Variants in RAD51B observed in about 807,000 individuals in gnomAD.
RAD51B encodes DNA repair protein RAD51 homolog 2.
In RAD51B, 38 loss-of-function variants were observed where a neutral mutation model predicts 42.2. That is an observed-to-expected ratio of 0.90 (90% CI 0.70 to 1.18). RAD51B has a LOEUF of 1.18. Among genes scored for constraint, RAD51B ranks in the 50% most tolerant of loss-of-function variants. The pLI is 0.00. For synonymous variants in RAD51B, 154 were observed against 145.2 expected, an observed-to-expected ratio of 1.06 and a Z score of -0.43; for missense variants, 373 against 400.7, an observed-to-expected ratio of 0.93 and a Z score of 0.59.
chr14:68,358,209 G>T (rs754671587), intron 8 of RAD51B, among the ~76,000 whole-genome samples: 7 of 152,208 alleles, frequency 4.6e-5, no homozygotes, highest in Non-Finnish European at 7.3e-5. Context: ...GTCTGAAATA[G>T]TGCGAGAATG....
intron 8 of RAD51B, among the ~76,000 whole-genome samples, chr14:68,336,489 A>G (rs376409457): frequency 6.6e-6 from 1 of 152,246 alleles, no homozygotes; most frequent in South Asian, 2.1e-4. Context: ...TCTAGTTGAC[A>G]AAAGAAATAA....
intron 7 of RAD51B, among the ~76,000 whole-genome samples, chr14:68,176,311 A>T (rs550817226): frequency 6.6e-6 from 1 of 152,344 alleles, no homozygotes; most frequent in African/African-American, 2.4e-5. Flanking sequence ...GATTCACAAT[A>T]GTAAATAGTA....
rs1341373743 is a variant in RAD51B at position 68,677,470 on chromosome 14, AC to A, written c.*11+26617del. ...CCTCTCCTTTAGATGCCCACTGAAA[AC>A]CCATCTCCTGTAATGAAACCACAAC... On this transcript the variant is annotated intron_variant, in intron 11 of 11. Transcript: ENST00000488612. Among the ~76,000 whole-genome samples, 5 of 151,974 alleles carry A rather than the reference AC, an allele frequency of 3.3e-5. No homozygotes were observed. In the East Asian group the frequency reaches 9.6e-4, roughly 29 times the overall value.
intron 7 of RAD51B, among the ~76,000 whole-genome samples, chr14:68,162,212 A>G (rs943983763): frequency 5.3e-5 from 8 of 152,254 alleles, no homozygotes; most frequent in African/African-American, 1.7e-4. Flanking sequence ...TAATTTCCAT[A>G]GAAGCTAACT....
intron 7 of RAD51B, chr14:67,908,916 ATAATAT>A (rs1369733932): frequency 6.6e-6 from 1 of 152,176 alleles, no homozygotes; most frequent in Non-Finnish European, 1.5e-5. Context: ...TATTTTCATA[ATAATAT>A]TAATAATTCT....
chr14:68,071,519 G>A (rs1015990383), intron 7 of RAD51B, among the ~76,000 whole-genome samples: 2 of 152,062 alleles, frequency 1.3e-5, no homozygotes, highest in African/African-American at 2.4e-5. Flanking sequence ...AGATAATCAC[G>A]TGGCTTTTGC....
intron 10 of RAD51B, among the ~76,000 whole-genome samples, chr14:68,620,949 T>C (rs779839550): frequency 7.0e-4 from 106 of 152,304 alleles, no homozygotes; most frequent in Non-Finnish European, 1.1e-3. Flanking sequence ...AAACACTCTA[T>C]TTTTCCACTT....
chr14:68,158,870 C>G (rs922153417), intron 7 of RAD51B, among the ~76,000 whole-genome samples: 2 of 152,112 alleles, frequency 1.3e-5, no homozygotes, highest in African/African-American at 4.8e-5. Flanking sequence ...AAGATAAATT[C>G]TCCCAAAGCA....
At chr14:68,667,267 ACAGAATTTCTGAAACTCAGG>A (rs1157320432) in intron 11 of RAD51B, among the ~76,000 whole-genome samples, 2 of 152,244 alleles carry the variant, frequency 1.3e-5, no homozygotes, top group African/African-American at 2.4e-5. Context: ...GGAAACTCAG[ACAGAATTTCTGAAACTCAGG>A]CAGAATTTCT....
intron 10 of RAD51B, among the ~76,000 whole-genome samples, chr14:68,557,127 A>G (rs1036102920): frequency 6.6e-6 from 1 of 152,156 alleles, no homozygotes; most frequent in African/African-American, 2.4e-5. Flanking sequence ...ACTCCCTTGT[A>G]TGGGGTCATT....
chr14:68,127,125 T>C (rs1256718577), intron 7 of RAD51B, among the ~76,000 whole-genome samples: 1 of 152,208 alleles, frequency 6.6e-6, no homozygotes, highest in Admixed American at 6.5e-5. Context: ...TATATGTGCC[T>C]CAAATTATAT....
chr14:68,194,028 C>G (rs1423773651), intron 7 of RAD51B, among the ~76,000 whole-genome samples: 1 of 152,128 alleles, frequency 6.6e-6, no homozygotes, highest in Non-Finnish European at 1.5e-5. Flanking sequence ...CTGTCTAGGA[C>G]CAATGACAGT....
At chr14:68,126,341 G>A (rs1672544452) in intron 7 of RAD51B, among the ~76,000 whole-genome samples, 1 of 151,894 alleles carries the variant, frequency 6.6e-6, no homozygotes, top group African/African-American at 2.4e-5. Context: ...TAGGTTTTGT[G>A]TATGCCAAAA....
intron 7 of RAD51B, among the ~76,000 whole-genome samples, chr14:68,129,763 A>G (rs913385226): frequency 3.9e-5 from 6 of 152,320 alleles, no homozygotes; most frequent in African/African-American, 1.4e-4. Context: ...ATACTTTAGA[A>G]TTAACTGGAG....
At chr14:68,248,603 C>T (rs1288199190) in intron 7 of RAD51B, among the ~76,000 whole-genome samples, 1 of 152,022 alleles carries the variant, frequency 6.6e-6, no homozygotes, top group African/African-American at 2.4e-5. Context: ...CACCACAAAG[C>T]ACCACATCCT....
intron 10 of RAD51B, among the ~76,000 whole-genome samples, chr14:68,640,670 G>A (rs936585584): frequency 2.6e-5 from 4 of 152,226 alleles, no homozygotes; most frequent in Non-Finnish European, 2.9e-5. Context: ...TAGTTTGTTG[G>A]AAGAGGTGAC....
Position 68,123,195 on chromosome 14 carries a change from T to C in RAD51B, c.757-168689T>C, listed in dbSNP as rs377398860. Among the ~76,000 whole-genome samples the C allele has an allele frequency of 1.4e-3, 205 of 145,474 alleles. 1 individual carries two copies. The highest frequency in any genetic ancestry group is 7.0e-3 in the Middle Eastern group (2 of 286). On this transcript the variant is annotated intron_variant, in intron 7 of 10. Transcript: ENST00000471583. ...CTTTTCTTTTTTTCTTTCTTTCTTT[T>C]TTTTTTTTTTTTTTTGAGACAGAGC...
chr14:68,501,090 A>G (rs891763111), intron 10 of RAD51B, among the ~76,000 whole-genome samples: 5 of 152,132 alleles, frequency 3.3e-5, no homozygotes, highest in African/African-American at 1.2e-4. Flanking sequence ...CCAACATGGC[A>G]GCATCTCCCC....
downstream of RAD51B, among the ~76,000 whole-genome samples, chr14:68,613,620 G>A (rs192970882): frequency 3.3e-5 from 5 of 151,838 alleles, no homozygotes; most frequent in Non-Finnish European, 2.9e-5. Flanking sequence ...CACCCGGCTA[G>A]TTTTTTTGTA....
Sources: allele counts gnomAD v4.1 joint callset (sites outside exome capture counted in the v4.1 genomes callset), GRCh38; gene constraint gnomAD v4.1.1; transcripts MANE v1.5; gene names NCBI Gene and HGNC (gene_info 2026-07-23, HGNC 2026-07-21).